The following ADAM33 variants were observed in gnomAD, a reference collection of about 807,000 sequenced individuals.
The protein encoded by ADAM33 is ADAM metallopeptidase domain 33.
Under a neutral mutation model 106.2 loss-of-function variants are expected in ADAM33, and 103 were observed. The ratio of observed to expected loss-of-function variants is 0.97; its 90% CI spans 0.83 to 1.14. ADAM33 has a LOEUF of 1.14. Among genes scored for constraint, ADAM33 ranks in the 50% most tolerant of loss-of-function variants. The pLI, the probability that ADAM33 is intolerant of heterozygous loss-of-function variation, is 0.00. For missense variants in ADAM33, 1,120 were observed against 1,096.6 expected (o/e 1.02, Z -0.30); for synonymous variants, 483 against 453.0 (o/e 1.07, Z -0.84).
intron 6 of ADAM33, 67 bp from the exon 7 acceptor site, chr20:3,674,351 G>A: frequency 5.0e-6 from 8 of 1,609,682 alleles, no homozygotes; most frequent in Non-Finnish European, 6.8e-6. Context: ...ACCAATCCCA[G>A]CTCCCAGAAG....
rs773834710 is a variant in ADAM33, at chr20:3,674,219, C to A, written c.666G>T (p.Leu222=). The part of the protein sequence containing the change: ...LELYIVADHT[L]FLTRHRNLNH... ...GCCAACCCCTGGGGTCTCTCCTCACCAGGGTGTGGTCTGCCACAATGTACA... is the reference window on the plus strand; with the variant it reads ...GCCAACCCCTGGGGTCTCTCCTCACAAGGGTGTGGTCTGCCACAATGTACA... The change falls in exon 7 of 22, where the codon CTG becomes CTT. Residue 222 remains leucine (L), a splice_region_variant and synonymous_variant. Transcript: ENST00000356518. 6.2e-7 allele frequency: 1 copy of A among 1,614,134 alleles called. No individual in the cohort carries two copies. Among genetic ancestry groups the A allele is most frequent in the South Asian group, 1.1e-5 (1 of 91,090 alleles).
At chr20:3,677,523 G>A (rs1235314621) in intron 2 of ADAM33, among the ~76,000 whole-genome samples, 1 of 152,158 alleles carries the variant, frequency 6.6e-6, no homozygotes, top group Admixed American at 6.5e-5. Flanking sequence ...CATTATGGGG[G>A]CATCGGGTAG....
rs917167220 is a variant in ADAM33 at position 3,675,353 on chromosome 20, C to T, written c.255-248G>A. ...ATATGGGAAGCACCAGGGAGGACGC[C>T]GGGGAGGAGTGGGAATAGGGGAAGA... On this transcript the variant is annotated intron_variant, in intron 3 of 21. Transcript: ENST00000356518. The surrounding 1 kb of genome is among the most constrained non-coding windows in gnomAD (Gnocchi z 4.1). 2.6e-5 allele frequency among the ~76,000 whole-genome samples: 4 copies of T among 152,018 alleles called. No individual in the cohort carries two copies. The highest frequency in any genetic ancestry group is 1.3e-4 in the Admixed American group (2 of 15,258).
At chr20:3,676,530 C>T (rs1336874524) in intron 3 of ADAM33, among the ~76,000 whole-genome samples, 2 of 151,770 alleles carry the variant, frequency 1.3e-5, no homozygotes, top group African/African-American at 4.8e-5. Flanking sequence ...CCTCTACCTC[C>T]GGGGTTCAAG....
At position 3,674,505 on chromosome 20, in the gene ADAM33, C is replaced by A; in HGVS notation, c.599G>T (p.Arg200Met). The A allele has an allele frequency of 6.2e-7, 1 of 1,613,078 alleles. No individual in the cohort carries two copies. Among genetic ancestry groups the A allele is most frequent in the Non-Finnish European group, 8.5e-7 (1 of 1,179,842 alleles). The change falls in exon 6 of 22, where the codon AGG becomes ATG. Residue 200 changes from arginine (R) to methionine (M), a missense_variant and splice_region_variant. Arg to Met is a moderately conservative substitution (Grantham distance 91, BLOSUM62 -1). Transcript: ENST00000356518. Reference sequence around the variant, plus strand: ...TCCCATCCGATCGATGCCCCTGACCCTGCTCTGGGGACCACCAGGAAGGCT... The same window carrying A: ...TCCCATCCGATCGATGCCCCTGACCATGCTCTGGGGACCACCAGGAAGGCT... ...MTSLPGGPQS[R>M]GRREARRTRK...
At chr20:3,677,641 G>A (rs2088091200) in intron 2 of ADAM33, among the ~76,000 whole-genome samples, 1 of 152,190 alleles carries the variant, frequency 6.6e-6, no homozygotes, top group South Asian at 2.1e-4. Flanking sequence ...TTCCAATTTT[G>A]GCAAACTGCT....
At chr20:3,681,781 AC>A in intron 1 of ADAM33, 126 bp downstream of exon 1, 1 of 1,356,538 alleles carries the variant, frequency 7.4e-7, no homozygotes, top group East Asian at 3.0e-5. Flanking sequence ...GCCCTGACCT[AC>A]TGGCCGTATG....
In ADAM33 at chr20:3,669,685, TG is replaced by T. The variant is rs2087402604; in HGVS notation, c.2241-49del. 3 of 1,522,818 alleles carry T rather than the reference TG, an allele frequency of 2.0e-6. No homozygotes were observed. The East Asian group carries it at 7.0e-5, about 35-fold the overall frequency. 94.3% of individuals were successfully genotyped at this position (1,522,818 alleles called of 1,614,324 possible). ...AGGAGGTTGGCACAGTGATCCTGAG[TG>T]GGTTATTGCCTCCCCGCAGCATGGT... On this transcript the variant is annotated intron_variant, in intron 19 of 21. Coordinates refer to ENST00000356518, the MANE Select transcript of ADAM33 (RefSeq NM_025220.5).
intron 19 of ADAM33, chr20:3,670,675 G>T (rs1227457000): frequency 6.1e-6 from 2 of 328,310 alleles, no homozygotes; most frequent in Admixed American, 8.3e-5. Flanking sequence ...ATGGTACAGG[G>T]ACTGCAATCT....
At position 3,679,062 on chromosome 20, in the gene ADAM33, C is replaced by G. The variant is rs574282569; in HGVS notation, c.177+430G>C. Among the ~76,000 whole-genome samples, 276 of 151,826 alleles carry G rather than the reference C, an allele frequency of 1.8e-3. 2 individuals are homozygous for G. Among genetic ancestry groups the G allele is most frequent in the Non-Finnish European group, 3.4e-3 (233 of 67,980 alleles). On this transcript the variant is annotated intron_variant, in intron 2 of 21. Coordinates refer to ENST00000356518, the MANE Select transcript of ADAM33 (RefSeq NM_025220.5). The stretch of plus-strand genomic sequence containing the variant: ...GAAGGTTCAGGCCTTCGTGGCAGGG[C>G]CCTGAGAGGGACAGCAGTGTGTCCA...
chr20:3,671,663 C>T lies in ADAM33; in HGVS notation c.1823G>A (p.Gly608Glu). ...HLDGQEVTCR[G>E]ALALPSAQLD... Reference sequence around the variant, plus strand: ...CTGGGCACTGGGGAGTGCCAAGGCTCCCCGACAAGTCACTTCCTGGCCATC... The same window carrying T: ...CTGGGCACTGGGGAGTGCCAAGGCTTCCCGACAAGTCACTTCCTGGCCATC... Residue 608 changes from glycine (G) to glutamate (E), a missense_variant, in exon 16 of 22, where the codon GGA becomes GAA. Transcript: ENST00000356518. 1 of 1,580,758 alleles carries T rather than the reference C, an allele frequency of 6.3e-7. No homozygotes were observed. Among genetic ancestry groups the T allele is most frequent in the Non-Finnish European group, 8.6e-7 (1 of 1,162,910 alleles).
rs1048080014 is a variant in ADAM33 at position 3,669,063 on chromosome 20, CAG to C, written c.2405-65_2405-64del. The C allele has an allele frequency of 3.8e-6, 6 of 1,566,302 alleles. No homozygotes were observed. In the African/African-American group the frequency reaches 8.1e-5, roughly 21 times the overall value. ...GGGCCCCAGGCTGCAAGCTGTGTGGCAGAGAGCCCATCCTCACTCAGTGAGGA... is the reference window on the plus strand; with the variant it reads ...GGGCCCCAGGCTGCAAGCTGTGTGGCAGAGCCCATCCTCACTCAGTGAGGA... On this transcript the variant is annotated intron_variant, in intron 21 of 21. Coordinates refer to ENST00000356518, the MANE Select transcript of ADAM33 (RefSeq NM_025220.5).
intron 2 of ADAM33, 93 bp downstream of exon 2, chr20:3,679,399 A>C: frequency 1.5e-6 from 2 of 1,345,826 alleles, no homozygotes; most frequent in Non-Finnish European, 2.1e-6. Context: ...GGTTCTGGGG[A>C]CCCCAGCAAA....
At chr20:3,680,751 G>A (rs2088420512) in intron 1 of ADAM33, among the ~76,000 whole-genome samples, 2 of 152,236 alleles carry the variant, frequency 1.3e-5, no homozygotes, top group Non-Finnish European at 2.9e-5. Flanking sequence ...GAGGTAGGGT[G>A]GGCCCGGGCA....
At chr20:3,679,137 T>C (rs1364158433) in intron 2 of ADAM33, among the ~76,000 whole-genome samples, 1 of 59,564 alleles carries the variant, frequency 1.7e-5, no homozygotes, top group Admixed American at 1.6e-4. Flanking sequence ...TTTTTGGTGC[T>C]TTTTTTTTTT....
chr20:3,679,841 G>C (rs1351605019), intron 1 of ADAM33, among the ~76,000 whole-genome samples: 3 of 152,182 alleles, frequency 2.0e-5, no homozygotes, highest in Non-Finnish European at 4.4e-5. Flanking sequence ...ACCTTTGTCG[G>C]GGGGCAGGCT....
chr20:3,680,981 C>T (rs1419090378), intron 1 of ADAM33, among the ~76,000 whole-genome samples: 2 of 152,152 alleles, frequency 1.3e-5, no homozygotes, highest in African/African-American at 2.4e-5. Context: ...ATCACCTCCC[C>T]TGACCCCAGG....
chr20:3,673,504 G>A lies in ADAM33; in HGVS notation c.991-8C>T, dbSNP rs536393047. 1.0e-5 allele frequency: 15 copies of A among 1,482,744 alleles called. 1 individual carries two copies. Among genetic ancestry groups the A allele is most frequent in the Middle Eastern group, 3.8e-4 (2 of 5,244 alleles). The allele number at this position is 1,482,744 out of a possible 1,614,324, so 91.8% of individuals were successfully genotyped here. ...GGGGAGCTCCGAGTGGTCCTGGGGG[G>A]CCGTGGGAGGGCGGTCACTGCGGCC... On this transcript the variant is annotated splice_region_variant and splice_polypyrimidine_tract_variant and intron_variant, in intron 10 of 21. Coordinates refer to ENST00000356518, the MANE Select transcript of ADAM33 (RefSeq NM_025220.5).
intron 1 of ADAM33, among the ~76,000 whole-genome samples, chr20:3,680,611 G>C (rs1223020313): frequency 6.6e-6 from 1 of 152,180 alleles, no homozygotes; most frequent in African/African-American, 2.4e-5. Context: ...GGCTAGAGGG[G>C]CCAGTGCAGG....
Sources: gnomAD v4.1 joint callset for allele counts (sites outside exome capture counted in the v4.1 genomes callset) on GRCh38, gnomAD v4.1.1 for gene constraint, Gnocchi (gnomAD v3.1) non-coding constraint, MANE v1.5 for transcripts, NCBI Gene and HGNC (gene_info 2026-07-23, HGNC 2026-07-21) for gene names.